Variants in BLTP3B observed in about 807,000 individuals in gnomAD.
BLTP3B encodes the protein UHRF1 (ICBP90) binding protein 1-like.
At chr12:100,082,986 G>A in the BLTP3B span, 1 of 1,537,120 alleles carries the variant, frequency 6.5e-7, no homozygotes, top group South Asian at 1.1e-5. Context: ...AAGTGTTTAT[G>A]AGAAAACTTA....
At chr12:100,048,735 G>GGGA in the BLTP3B span, among the ~76,000 whole-genome samples, 1 of 119,554 alleles carries the variant, frequency 8.4e-6, no homozygotes, top group Non-Finnish European at 1.7e-5. Flanking sequence ...GTAAGGGGGG[G>GGGA]GAGAGAGAGA....
the BLTP3B span, among the ~76,000 whole-genome samples, chr12:100,114,192 C>T: frequency 1.3e-5 from 2 of 152,192 alleles, no homozygotes; most frequent in South Asian, 4.1e-4. Context: ...ACTGTATATA[C>T]AGGGGAAAGA....
chr12:100,064,637 C>T, the BLTP3B span, among the ~76,000 whole-genome samples: 1 of 152,124 alleles, frequency 6.6e-6, no homozygotes, highest in Admixed American at 6.5e-5. Context: ...CTATCTTCAG[C>T]TTCCTCAAAC....
the BLTP3B span, among the ~76,000 whole-genome samples, chr12:100,086,003 A>AT: frequency 2.4e-4 from 36 of 151,458 alleles, no homozygotes; most frequent in South Asian, 6.0e-3. Flanking sequence ...CTGTACCCTG[A>AT]TTTTTTTTTA....
chr12:100,058,251 C>T, the BLTP3B span: 147 of 1,612,856 alleles, frequency 9.1e-5, 1 homozygote, highest in African/African-American at 1.6e-3. Context: ...GTTTAAGATA[C>T]TACTTGAATC....
the BLTP3B span, chr12:100,058,020 T>C: frequency 7.8e-6 from 12 of 1,546,698 alleles, no homozygotes; most frequent in African/African-American, 1.4e-5. Context: ...GCCAATAAAA[T>C]GTTGTTACCT....
the BLTP3B span, chr12:100,102,867 A>C: frequency 6.6e-7 from 1 of 1,506,720 alleles, no homozygotes; most frequent in Non-Finnish European, 9.1e-7. Flanking sequence ...ACTAATAAAA[A>C]CGTTAAAATA....
At chr12:100,119,040 T>C in the BLTP3B span, among the ~76,000 whole-genome samples, 1 of 152,216 alleles carries the variant, frequency 6.6e-6, no homozygotes, top group Middle Eastern at 3.4e-3. Flanking sequence ...AGGCGGAGGT[T>C]GCAGTGAGCC....
the BLTP3B span, among the ~76,000 whole-genome samples, chr12:100,045,731 A>T: frequency 6.6e-6 from 1 of 152,352 alleles, no homozygotes; most frequent in South Asian, 2.1e-4. Flanking sequence ...GACAAATGGG[A>T]TCTAATTAAA....
the BLTP3B span, among the ~76,000 whole-genome samples, chr12:100,072,972 T>C: frequency 6.6e-6 from 1 of 152,234 alleles, no homozygotes; most frequent in African/African-American, 2.4e-5. Flanking sequence ...CATGGAATTA[T>C]TTTTAAACAC....
At chr12:100,063,785 C>A in the BLTP3B span, among the ~76,000 whole-genome samples, 2 of 150,706 alleles carry the variant, frequency 1.3e-5, no homozygotes, top group African/African-American at 2.4e-5. Context: ...AGAATCTGAA[C>A]AACAGCCTTC....
At chr12:100,141,298 G>A in the BLTP3B span, among the ~76,000 whole-genome samples, 2 of 149,316 alleles carry the variant, frequency 1.3e-5, no homozygotes, top group East Asian at 1.9e-4. Context: ...AGCCTGGCCT[G>A]GTGAAACCCA....
chr12:100,067,172 T>C, the BLTP3B span, among the ~76,000 whole-genome samples: 1 of 152,068 alleles, frequency 6.6e-6, no homozygotes, highest in Non-Finnish European at 1.5e-5. Flanking sequence ...ATCAAAACCT[T>C]TGGGACACAG....
the BLTP3B span, among the ~76,000 whole-genome samples, chr12:100,075,870 G>A: frequency 2.6e-5 from 4 of 152,054 alleles, no homozygotes; most frequent in Non-Finnish European, 5.9e-5. Context: ...CTGCAGTACT[G>A]CATGTTCTGA....
chr12:100,069,115 G>A, the BLTP3B span, among the ~76,000 whole-genome samples: 1 of 152,112 alleles, frequency 6.6e-6, no homozygotes, highest in Non-Finnish European at 1.5e-5. Flanking sequence ...AGGAGGCTGA[G>A]GGAGGGGAAT....
At chr12:100,134,534 T>C in the BLTP3B span, among the ~76,000 whole-genome samples, 1 of 152,022 alleles carries the variant, frequency 6.6e-6, no homozygotes, top group African/African-American at 2.4e-5. Flanking sequence ...GGAGAATCAC[T>C]TGAACCCAGA....
the BLTP3B span, among the ~76,000 whole-genome samples, chr12:100,044,494 A>T: frequency 2.0e-5 from 3 of 152,172 alleles, no homozygotes; most frequent in African/African-American, 7.2e-5. Flanking sequence ...AAATCTACTG[A>T]CTCATGCTCT....
At chr12:100,125,520 T>C in the BLTP3B span, among the ~76,000 whole-genome samples, 1 of 151,974 alleles carries the variant, frequency 6.6e-6, no homozygotes, top group Admixed American at 6.6e-5. Flanking sequence ...CATGGTGGTG[T>C]ACCTGTGGTC....
At chr12:100,108,661 G>A in the BLTP3B span, 45 of 802,402 alleles carry the variant, frequency 5.6e-5, no homozygotes, top group South Asian at 8.3e-4. Context: ...ACAACATAAT[G>A]TCCATCAACG....
Sources: gnomAD v4.1 joint callset for allele counts (sites outside exome capture counted in the v4.1 genomes callset) on GRCh38, gnomAD v4.1.1 for gene constraint, MANE v1.5 for transcripts, NCBI Gene and HGNC (gene_info 2026-07-23, HGNC 2026-07-21) for gene names.